The following CYP4F22 variants were observed in gnomAD, a reference collection of about 807,000 sequenced individuals.
CYP4F22 encodes the protein ultra-long-chain fatty acid omega-hydroxylase.
CYP4F22 carries 37 observed loss-of-function variants against 60.4 expected under a neutral mutation model. That is an observed-to-expected ratio of 0.61 (90% confidence interval 0.47 to 0.81). The LOEUF (loss-of-function observed/expected upper bound fraction) is 0.81. Ranked by LOEUF, CYP4F22 falls within the 30% of genes least tolerant of loss-of-function variation. The pLI, the probability that CYP4F22 is intolerant of heterozygous loss-of-function variation, is 0.00. For synonymous variants in CYP4F22, 258 were observed against 280.5 expected, an observed-to-expected ratio of 0.92 and a Z score of 0.80; for missense variants, 655 against 715.0, an observed-to-expected ratio of 0.92 and a Z score of 0.96.
intron 4 of CYP4F22, 123 bp from the exon 5 acceptor site, chr19:15,537,238 T>C: frequency 7.8e-7 from 1 of 1,277,914 alleles, no homozygotes; most frequent in South Asian, 1.2e-5. Context: ...GAGGCGGAGG[T>C]TGCAGTGAGT....
intron 12 of CYP4F22, among the ~76,000 whole-genome samples, chr19:15,549,804 T>TAAA (rs34151824): frequency 6.9e-6 from 1 of 145,908 alleles, no homozygotes; most frequent in Non-Finnish European, 1.5e-5. Context: ...ACCCCATTTC[T>TAAA]AAAAAAAAAA....
intron 8 of CYP4F22, among the ~76,000 whole-genome samples, chr19:15,543,039 G>T (rs532947570): frequency 1.3e-5 from 2 of 152,134 alleles, no homozygotes; most frequent in African/African-American, 4.8e-5. Flanking sequence ...CTTTATAATA[G>T]AATAATTTAT....
chr19:15,536,653 G>A (rs548233925), intron 4 of CYP4F22, among the ~76,000 whole-genome samples: 18 of 152,308 alleles, frequency 1.2e-4, no homozygotes, highest in African/African-American at 4.1e-4. Flanking sequence ...GGAAGACTCA[G>A]GTGAAGAAGT....
rs764409492 is a variant in CYP4F22 at position 15,544,008 on chromosome 19, G to A, written c.977G>A (p.Arg326Gln). The A allele has an allele frequency of 7.4e-6, 12 of 1,613,966 alleles. No homozygotes were observed. Among genetic ancestry groups the A allele is most frequent in the African/African-American group, 5.3e-5 (4 of 74,874 alleles). ...AAGGAACTGTCAGACGAGGATATCC[G>A]AGCCGAAGCAGACACCTTCATGTTT... is the stretch of plus-strand genomic sequence containing the variant. ...DGKELSDEDI[R>Q]AEADTFMFEG... Residue 326 changes from arginine to glutamine, a missense_variant, in exon 9 of 14, where the codon CGA becomes CAA. Transcript: ENST00000269703.
chr19:15,534,873 T>C (rs1971379397), intron 4 of CYP4F22, among the ~76,000 whole-genome samples: 2 of 152,226 alleles, frequency 1.3e-5, no homozygotes, highest in South Asian at 4.1e-4. Context: ...GTGTGAAAAT[T>C]CCAGGGGAAT....
intron 11 of CYP4F22, 103 bp downstream of exon 11, chr19:15,548,344 C>A: frequency 6.5e-7 from 1 of 1,531,964 alleles, no homozygotes. Flanking sequence ...TGCACTATCC[C>A]TGCAGATGGG....
intron 4 of CYP4F22, among the ~76,000 whole-genome samples, chr19:15,536,046 T>C (rs547325483): frequency 6.6e-6 from 1 of 152,194 alleles, no homozygotes; most frequent in African/African-American, 2.4e-5. Flanking sequence ...CTGAGAAAAG[T>C]TCTGTGGTGT....
At chr19:15,549,965 C>T (rs1036047451) in intron 12 of CYP4F22, among the ~76,000 whole-genome samples, 42 of 152,036 alleles carry the variant, frequency 2.8e-4, no homozygotes, top group Non-Finnish European at 6.0e-4. Context: ...TGCTCTGTTG[C>T]CCAAGCTGGA....
intron 1 of CYP4F22, among the ~76,000 whole-genome samples, chr19:15,511,027 C>T (rs906568278): frequency 1.4e-5 from 2 of 138,028 alleles, no homozygotes; most frequent in African/African-American, 2.8e-5. Context: ...AGTGTAATGG[C>T]GTGATCTTGG....
At chr19:15,551,229 T>C in intron 13 of CYP4F22, 65 bp from the exon 14 acceptor site, 1 of 1,567,086 alleles carries the variant, frequency 6.4e-7, no homozygotes, top group Non-Finnish European at 8.7e-7. Flanking sequence ...AAAGGAGGCA[T>C]GTGACCCCCG....
chr19:15,541,285 C>T (rs958645733), intron 8 of CYP4F22, among the ~76,000 whole-genome samples: 1 of 152,160 alleles, frequency 6.6e-6, no homozygotes, highest in East Asian at 1.9e-4. Context: ...ATCTGCAGGG[C>T]TGGTTTCTTC....
intron 11 of CYP4F22, among the ~76,000 whole-genome samples, chr19:15,548,837 A>G (rs533569727): frequency 6.6e-6 from 1 of 152,118 alleles, no homozygotes; most frequent in Non-Finnish European, 1.5e-5. Flanking sequence ...CTTGAACTCA[A>G]TCCTGGGGGC....
At chr19:15,519,837 C>A (rs1971200363) in intron 1 of CYP4F22, among the ~76,000 whole-genome samples, 1 of 152,118 alleles carries the variant, frequency 6.6e-6, no homozygotes, top group South Asian at 2.1e-4. Context: ...GTAACACCCA[C>A]CCCACACCCA....
intron 10 of CYP4F22, among the ~76,000 whole-genome samples, chr19:15,546,658 A>G (rs1160554334): frequency 6.6e-6 from 1 of 152,182 alleles, no homozygotes; most frequent in African/African-American, 2.4e-5. Flanking sequence ...CATTAGCCCA[A>G]TTTTGGGCCC....
At chr19:15,514,926 G>T (rs1971136120) in intron 1 of CYP4F22, among the ~76,000 whole-genome samples, 1 of 152,144 alleles carries the variant, frequency 6.6e-6, no homozygotes, top group African/African-American at 2.4e-5. Flanking sequence ...CTGGTTGAAG[G>T]CCTCTCTCTG....
At chr19:15,536,446 G>A (rs915917310) in intron 4 of CYP4F22, among the ~76,000 whole-genome samples, 1 of 152,166 alleles carries the variant, frequency 6.6e-6, no homozygotes, top group East Asian at 1.9e-4. Context: ...AATGATTCAG[G>A]GCTTTGAAAA....
intron 1 of CYP4F22, among the ~76,000 whole-genome samples, chr19:15,510,966 A>ATATATTTT (rs34055543): frequency 1.9e-5 from 2 of 103,308 alleles, no homozygotes; most frequent in African/African-American, 4.6e-5. Context: ...ATATATATAT[A>ATATATTTT]TTTTTTTTTT....
chr19:15,545,676 AG>A lies in CYP4F22; in HGVS notation c.1136+1398del, dbSNP rs1221766776. On this transcript the variant is annotated intron_variant, in intron 10 of 13. Transcript: ENST00000269703. The stretch of plus-strand genomic sequence containing the variant: ...AAAAAAAAAAAAAAAAAAAAAGAAA[AG>A]AAAAGAAAAGAAAAGAAGAAAAACA... 4.9e-4 allele frequency among the ~76,000 whole-genome samples: 21 copies of A among 42,664 alleles called. 1 individual carries two copies. Among genetic ancestry groups the A allele is most frequent in the African/African-American group, 2.3e-3 (19 of 8,336 alleles). 28.0% of individuals were successfully genotyped at this position (42,664 alleles called of 152,430 possible). A position where few individuals can be genotyped will look rare whatever the true frequency, so the allele number is the denominator to read the frequency against.
chr19:15,513,751 C>A (rs1446995306), intron 1 of CYP4F22, among the ~76,000 whole-genome samples: 33 of 152,246 alleles, frequency 2.2e-4, no homozygotes, highest in Non-Finnish European at 2.9e-5. Context: ...TCCGCACCCC[C>A]CTCGGTCTCC....
Sources: gnomAD v4.1 joint callset for allele counts (sites outside exome capture counted in the v4.1 genomes callset) on GRCh38, gnomAD v4.1.1 for gene constraint, MANE v1.5 for transcripts, NCBI Gene and HGNC (gene_info 2026-07-23, HGNC 2026-07-21) for gene names.